ASCC3: variants seen among roughly 807,000 people sequenced by gnomAD.
ASCC3 encodes the protein ASC-1 complex subunit P200.
ASCC3 carries 158 observed loss-of-function variants against 256.3 expected under a neutral mutation model. That is an observed-to-expected ratio of 0.62 (90% confidence interval 0.54 to 0.70). The LOEUF is 0.70. Among genes scored for constraint, ASCC3 ranks in the 30% least tolerant of loss-of-function variants. The probability of loss-of-function intolerance (pLI) is 0.00; values close to 1 mark genes in which losing one functional copy is unlikely to be tolerated. For missense variants in ASCC3, 2,259 were observed against 2,626.0 expected (o/e 0.86, Z 3.05); for synonymous variants, 948 against 883.4 (o/e 1.07, Z -1.30).
chr6:100,785,004 C>CCT (rs1159695049), intron 8 of ASCC3, among the ~76,000 whole-genome samples: 1 of 146,618 alleles, frequency 6.8e-6, no homozygotes, highest in African/African-American at 2.4e-5. Context: ...ATTTGTACCC[C>CCT]CTCTTGAAAG....
Position 100,546,335 on chromosome 6 carries a change from G to A in ASCC3, c.5551-5948C>T, listed in dbSNP as rs576625226. ...TACAATTTCAGTTGAAGCTGCAGCA[G>A]GCCCTATGTTGTGTGTATTAGAAAT... On this transcript the variant is annotated intron_variant, in intron 36 of 41. Transcript: ENST00000369162. Among the ~76,000 whole-genome samples, 3 of 152,280 alleles carry A rather than the reference G, an allele frequency of 2.0e-5. No homozygotes were observed. In the East Asian group the frequency reaches 5.8e-4, roughly 29 times the overall value.
intron 40 of ASCC3, among the ~76,000 whole-genome samples, chr6:100,511,874 T>G (rs1773780708): frequency 6.6e-6 from 1 of 152,130 alleles, no homozygotes; most frequent in Non-Finnish European, 1.5e-5. Flanking sequence ...TCATTTTGTG[T>G]GTGAGAACAG....
At chr6:100,535,721 C>A (rs996640784) in intron 37 of ASCC3, among the ~76,000 whole-genome samples, 1 of 152,042 alleles carries the variant, frequency 6.6e-6, no homozygotes, top group Non-Finnish European at 1.5e-5. Flanking sequence ...CCTGGCTTGG[C>A]CTCCCAAAGT....
intron 30 of ASCC3, among the ~76,000 whole-genome samples, chr6:100,619,717 C>T (rs1379084788): frequency 6.6e-6 from 1 of 152,118 alleles, no homozygotes; most frequent in East Asian, 1.9e-4. Flanking sequence ...TATATATCAA[C>T]ATATTTTAAC....
At chr6:100,849,146 T>C (rs1158406697) in intron 3 of ASCC3, among the ~76,000 whole-genome samples, 2 of 152,082 alleles carry the variant, frequency 1.3e-5, no homozygotes, top group Non-Finnish European at 2.9e-5. Flanking sequence ...ATAGCCAATT[T>C]AAGGAGCAGG....
intron 4 of ASCC3, among the ~76,000 whole-genome samples, chr6:100,816,885 A>G (rs533842944): frequency 6.6e-6 from 1 of 152,182 alleles, no homozygotes; most frequent in African/African-American, 2.4e-5. Context: ...AAACCTGCAT[A>G]TGTACTCCTG....
At chr6:100,688,398 A>C (rs908968004) in intron 13 of ASCC3, among the ~76,000 whole-genome samples, 2 of 152,234 alleles carry the variant, frequency 1.3e-5, no homozygotes, top group African/African-American at 2.4e-5. Context: ...GAAAAAATCT[A>C]AGATTTAAAC....
rs187151666 is a variant in ASCC3 at position 100,611,785 on chromosome 6, G to A, written c.4786-4697C>T. On this transcript the variant is annotated intron_variant, in intron 30 of 41. Coordinates refer to ENST00000369162, the MANE Select transcript of ASCC3 (RefSeq NM_006828.4). ...AGCTAGTACTTTTCTAGATGGAGAG[G>A]AGACAAGTTTATTTTATACATAAAA... Among the ~76,000 whole-genome samples, 77 of 151,708 alleles carry A rather than the reference G, an allele frequency of 5.1e-4. 4 individuals are homozygous for A. In the East Asian group the frequency reaches 8.7e-3, roughly 17 times the overall value.
intron 8 of ASCC3, among the ~76,000 whole-genome samples, chr6:100,797,158 T>TA (rs1582877649): frequency 6.6e-6 from 1 of 152,096 alleles, no homozygotes; most frequent in East Asian, 1.9e-4. Context: ...TTTAAAAATG[T>TA]AAAGATTTAG....
intron 13 of ASCC3, among the ~76,000 whole-genome samples, chr6:100,687,968 C>T (rs1471743991): frequency 6.7e-6 from 1 of 150,162 alleles, no homozygotes; most frequent in Non-Finnish European, 1.5e-5. Flanking sequence ...AAATTATATA[C>T]TAAGATAAAG....
At chr6:100,608,118 C>CATATATATGTATATATG (rs1773044100) in intron 30 of ASCC3, among the ~76,000 whole-genome samples, 11 of 23,354 alleles carry the variant, frequency 4.7e-4, no homozygotes, top group Non-Finnish European at 9.3e-4. Flanking sequence ...GTATATATAT[C>CATATATATGTATATATG]TATATATACA....
chr6:100,859,255 C>T (rs3734351), intron 3 of ASCC3: 66,315 of 778,282 alleles, frequency 0.085, 5,409 homozygotes, highest in East Asian at 0.33. Context: ...TTAATTTCTG[C>T]TTCCACATCT....
At chr6:100,795,048 T>C (rs762987340) in intron 8 of ASCC3, among the ~76,000 whole-genome samples, 2 of 152,072 alleles carry the variant, frequency 1.3e-5, no homozygotes, top group East Asian at 3.9e-4. Context: ...AATGAGGATA[T>C]ACAAGTGAGT....
chr6:100,667,188 G>C (rs74780517), intron 14 of ASCC3, among the ~76,000 whole-genome samples: 1 of 152,188 alleles, frequency 6.6e-6, no homozygotes, highest in African/African-American at 2.4e-5. Flanking sequence ...GAATGAATCA[G>C]TGATCTGATA....
chr6:100,625,061 T>C (rs1774156964), intron 30 of ASCC3, 131 bp downstream of exon 30: 1 of 1,001,522 alleles, frequency 1.0e-6, no homozygotes, highest in Non-Finnish European at 1.5e-6. Context: ...TAACAGAATA[T>C]TAATAGTGTG....
At chr6:100,803,508 T>C (rs1433527384) in intron 5 of ASCC3, among the ~76,000 whole-genome samples, 1 of 152,130 alleles carries the variant, frequency 6.6e-6, no homozygotes. Context: ...TGTGAGCCAA[T>C]TGAACCTCCT....
intron 4 of ASCC3, among the ~76,000 whole-genome samples, chr6:100,837,719 G>A (rs1023242855): frequency 2.6e-5 from 4 of 152,104 alleles, no homozygotes; most frequent in African/African-American, 9.7e-5. Flanking sequence ...GTGATTACCA[G>A]AGGCTGGGGA....
chr6:100,630,732 T>C (rs1774498873), intron 26 of ASCC3, among the ~76,000 whole-genome samples: 1 of 152,058 alleles, frequency 6.6e-6, no homozygotes, highest in Non-Finnish European at 1.5e-5. Flanking sequence ...GAACTTCTGC[T>C]TTTTTACAAA....
rs376954806 is a variant in ASCC3, at chr6:100,518,061, C to T, written c.5857G>A (p.Gly1953Ser). The change falls in exon 38 of 42, where the codon GGT (glycine) becomes AGT (serine). Residue 1953 changes from glycine to serine, a missense_variant. Physicochemically the swap from Gly to Ser is moderately conservative, Grantham distance 56. This residue lies in a region of ASCC3 where 1,839 missense variants were observed against 2,206.7 expected (regional missense o/e 0.83). Transcript: ENST00000369162. ...ITNLIQMVIQ[G>S]RWLKDSSLLT... ...AGAGAAGAGTCCTTTAACCACCGAC[C>T]CTGGATCACCATCTGAATCAGGTTG... The T allele has an allele frequency of 1.3e-5, 21 of 1,613,458 alleles. No individual in the cohort carries two copies. The African/African-American group carries it at 2.7e-4, about 21-fold the overall frequency.
Sources: gnomAD v4.1 joint callset for allele counts (sites outside exome capture counted in the v4.1 genomes callset) on GRCh38, gnomAD v4.1.1 for gene constraint, gnomAD v4.1.1 regional missense constraint, MANE v1.5 for transcripts, NCBI Gene and HGNC (gene_info 2026-07-23, HGNC 2026-07-21) for gene names.